The following SPACA1 variants were observed in gnomAD, a reference collection of about 807,000 sequenced individuals.
The protein encoded by SPACA1 is sperm acrosome membrane-associated protein 1.
SPACA1 carries 17 observed loss-of-function variants against 32.6 expected under a neutral mutation model. The ratio of observed to expected loss-of-function variants is 0.52; its 90% CI spans 0.36 to 0.78. The LOEUF is 0.78. Among genes scored for constraint, SPACA1 ranks in the 30% least tolerant of loss-of-function variants. The pLI, the probability that SPACA1 is intolerant of heterozygous loss-of-function variation, is 0.01. For synonymous variants in SPACA1, 140 were observed against 138.1 expected, an observed-to-expected ratio of 1.01 and a Z score of -0.10; for missense variants, 363 against 373.4, an observed-to-expected ratio of 0.97 and a Z score of 0.23.
intron 1 of SPACA1, among the ~76,000 whole-genome samples, chr6:88,050,982 C>T (rs1279045941): frequency 1.3e-5 from 2 of 152,050 alleles, no homozygotes; most frequent in South Asian, 2.1e-4. Flanking sequence ...CCCATCTCTA[C>T]TAAAAATACA....
At position 88,066,360 on chromosome 6, in the gene SPACA1, A is replaced by G. The variant is rs747011273; in HGVS notation, c.*25A>G. 9 of 1,578,366 alleles carry G rather than the reference A, an allele frequency of 5.7e-6. No individual in the cohort carries two copies. In the African/African-American group the frequency reaches 1.2e-4, roughly 21 times the overall value. ...ATGTTTGAATGATATATAACAAACCAAAGGATATTACAGAATATTAGATTC... is the reference window on the plus strand; with the variant it reads ...ATGTTTGAATGATATATAACAAACCGAAGGATATTACAGAATATTAGATTC... On this transcript the variant is annotated 3_prime_UTR_variant, in exon 7 of 7. Transcript: ENST00000237201.
chr6:88,062,449 T>C lies in SPACA1; in HGVS notation c.611-1650T>C, dbSNP rs565425605. 2.0e-5 allele frequency among the ~76,000 whole-genome samples: 3 copies of C among 152,370 alleles called. No homozygotes were observed. In the South Asian group the frequency reaches 6.2e-4, roughly 32 times the overall value. Reference sequence around the variant, plus strand: ...TCTCTGTAGTTCTTTCTTCCATGAATCTTTTATGATTCCAGAATTTGGGGT... The same window carrying C: ...TCTCTGTAGTTCTTTCTTCCATGAACCTTTTATGATTCCAGAATTTGGGGT... On this transcript the variant is annotated intron_variant, in intron 5 of 6. Coordinates refer to ENST00000237201, the MANE Select transcript of SPACA1 (RefSeq NM_030960.3).
intron 2 of SPACA1, 76 bp downstream of exon 2, chr6:88,054,078 A>G: frequency 2.3e-6 from 3 of 1,287,390 alleles, no homozygotes; most frequent in Non-Finnish European, 3.3e-6. Flanking sequence ...ATAGTGTGCA[A>G]CTTTGTAACT....
At chr6:88,058,962 T>A (rs1775850795) in intron 4 of SPACA1, 140 bp downstream of exon 4, 2 of 569,796 alleles carry the variant, frequency 3.5e-6, no homozygotes, top group East Asian at 3.1e-5. Flanking sequence ...TTTATTATTT[T>A]GGAATTTTAA....
At chr6:88,054,446 T>C (rs1026847469) in intron 2 of SPACA1, among the ~76,000 whole-genome samples, 3 of 152,132 alleles carry the variant, frequency 2.0e-5, no homozygotes, top group Non-Finnish European at 2.9e-5. Context: ...TGTATTGGCT[T>C]TGTGGGGAGG....
At chr6:88,062,717 G>C (rs1404322850) in intron 5 of SPACA1, among the ~76,000 whole-genome samples, 4 of 152,108 alleles carry the variant, frequency 2.6e-5, no homozygotes, top group African/African-American at 9.7e-5. Context: ...GGGAGGCTGA[G>C]GTGGGAAGAT....
intron 1 of SPACA1, among the ~76,000 whole-genome samples, chr6:88,053,255 C>G (rs1418222660): frequency 6.6e-6 from 1 of 152,212 alleles, no homozygotes; most frequent in Non-Finnish European, 1.5e-5. Context: ...TAACAACTCA[C>G]TTTATATTTT....
chr6:88,061,516 A>C (rs1442470723), intron 5 of SPACA1, among the ~76,000 whole-genome samples: 1 of 152,110 alleles, frequency 6.6e-6, no homozygotes, highest in Non-Finnish European at 1.5e-5. Context: ...AGAAACAGAC[A>C]TAGGGAGAAG....
chr6:88,048,903 G>A (rs927636767), intron 1 of SPACA1, among the ~76,000 whole-genome samples: 2 of 152,174 alleles, frequency 1.3e-5, no homozygotes, highest in African/African-American at 4.8e-5. Flanking sequence ...GCCTTCTCAA[G>A]AAAGATTATT....
At chr6:88,064,497 T>G (rs1002313391) in intron 6 of SPACA1, 52 of 191,220 alleles carry the variant, frequency 2.7e-4, no homozygotes, top group African/African-American at 1.1e-3. Flanking sequence ...TTAAAAAGTT[T>G]TATTTAATGA....
At position 88,059,595 on chromosome 6, in the gene SPACA1, G is replaced by A. The variant is rs768242414; in HGVS notation, c.610+7G>A. 2 of 1,602,404 alleles carry A rather than the reference G, an allele frequency of 1.2e-6. No homozygotes were observed. The highest frequency in any genetic ancestry group is 1.7e-5 in the Admixed American group (1 of 58,006). On this transcript the variant is annotated splice_region_variant and intron_variant, in intron 5 of 6. Coordinates refer to ENST00000237201, the MANE Select transcript of SPACA1 (RefSeq NM_030960.3). ...ACAGTCTATACGAGCAGTGGTAAGT[G>A]TCCAGCAATGTCTTGGTTTGCTTAT...
At chr6:88,047,499 A>C (rs570080293), upstream of SPACA1, among the ~76,000 whole-genome samples, 112 of 152,344 alleles carry the variant, frequency 7.4e-4, no homozygotes, top group African/African-American at 2.6e-3. Flanking sequence ...CGAAAAAGAA[A>C]TGTCTTAAAA....
intron 1 of SPACA1, among the ~76,000 whole-genome samples, chr6:88,050,145 A>G (rs1488108732): frequency 6.6e-6 from 1 of 152,202 alleles, no homozygotes; most frequent in Non-Finnish European, 1.5e-5. Context: ...AACCTTGGCA[A>G]ATAAATGTTG....
intron 5 of SPACA1, among the ~76,000 whole-genome samples, chr6:88,060,318 C>A (rs1775873730): frequency 6.6e-6 from 1 of 152,140 alleles, no homozygotes; most frequent in South Asian, 2.1e-4. Context: ...GATGTGGGGA[C>A]TTGGTCACAA....
In SPACA1 at chr6:88,053,988, G is replaced by A; in HGVS notation, c.251G>A (p.Cys84Tyr). 6.2e-7 allele frequency: 1 copy of A among 1,613,506 alleles called. No homozygotes were observed. Among genetic ancestry groups the A allele is most frequent in the Non-Finnish European group, 8.5e-7 (1 of 1,179,670 alleles). The change falls in exon 2 of 7, where the codon TGC (cysteine) becomes TAC (tyrosine). Residue 84 changes from cysteine to tyrosine, a missense_variant. By Grantham distance (194) the Cys-to-Tyr change is radical. Coordinates refer to ENST00000237201, the MANE Select transcript of SPACA1 (RefSeq NM_030960.3). ...NVVKEVEFGM[C>Y]TVTCGIGVRE... is the part of the protein sequence containing the mutation. The stretch of plus-strand genomic sequence containing the variant: ...GTCAAAGAAGTAGAATTCGGAATGT[G>A]CACCGTTACATGTGGTAAGTAGCTT...
intron 6 of SPACA1, 67 bp downstream of exon 6, chr6:88,064,286 T>G: frequency 6.6e-7 from 1 of 1,521,034 alleles, no homozygotes; most frequent in Non-Finnish European, 8.9e-7. Flanking sequence ...CCTCATCCAG[T>G]GAATTGCAAA....
intron 1 of SPACA1, among the ~76,000 whole-genome samples, chr6:88,051,860 A>T (rs1775732287): frequency 6.6e-6 from 1 of 152,248 alleles, no homozygotes; most frequent in Non-Finnish European, 1.5e-5. Flanking sequence ...GGATTCAGTC[A>T]GCATGATAAC....
chr6:88,066,428 GT>G lies in SPACA1; in HGVS notation c.*95del. The G allele has an allele frequency of 8.1e-7, 1 of 1,235,262 alleles. No individual in the cohort carries two copies. The highest frequency in any genetic ancestry group is 2.7e-5 in the East Asian group (1 of 36,966). 76.5% of individuals were successfully genotyped at this position (1,235,262 alleles called of 1,614,324 possible). On this transcript the variant is annotated 3_prime_UTR_variant, in exon 7 of 7. Transcript: ENST00000237201. Reference sequence around the variant, plus strand: ...ATACACATTGAAATACTTTAATAATGTTGCGATGGATTGCCACAGTGTGAAG... The same window carrying G: ...ATACACATTGAAATACTTTAATAATGTGCGATGGATTGCCACAGTGTGAAG...
At chr6:88,054,298 C>T (rs981737896) in intron 2 of SPACA1, among the ~76,000 whole-genome samples, 3 of 150,434 alleles carry the variant, frequency 2.0e-5, no homozygotes, top group Admixed American at 6.6e-5. Flanking sequence ...GTTCAGAAGA[C>T]GAAAGATTTT....
Sources: allele counts gnomAD v4.1 joint callset (sites outside exome capture counted in the v4.1 genomes callset), GRCh38; gene constraint gnomAD v4.1.1; transcripts MANE v1.5; gene names NCBI Gene and HGNC (gene_info 2026-07-23, HGNC 2026-07-21).